RDH10: variants seen among roughly 807,000 people sequenced by gnomAD.
RDH10 encodes the protein retinol dehydrogenase 10.
RDH10 carries 12 observed loss-of-function variants against 30.2 expected under a neutral mutation model. The observed-to-expected ratio is 0.40, with a 90% CI of 0.25 to 0.64. The LOEUF (loss-of-function observed/expected upper bound fraction) is 0.64, where lower values mean the gene tolerates loss of function less well. Ranked by LOEUF, RDH10 falls within the 30% of genes least tolerant of loss-of-function variation. The probability of loss-of-function intolerance (pLI) is 0.43; values close to 1 mark genes in which losing one functional copy is unlikely to be tolerated. For synonymous variants in RDH10, 189 were observed against 172.2 expected, an observed-to-expected ratio of 1.10 and a Z score of -0.76; for missense variants, 268 against 445.2, an observed-to-expected ratio of 0.60 and a Z score of 3.58.
Position 73,314,581 on chromosome 8 carries a change from G to C in RDH10, c.526-4515G>C, listed in dbSNP as rs568584124. On this transcript the variant is annotated intron_variant, in intron 2 of 5. Transcript: ENST00000240285. ...AGAAACCCGAGTGGTCCTGATGTGG[G>C]TGCTCCTACCCCAAGCCTGCCTTTG... is the stretch of plus-strand genomic sequence containing the variant. Among the ~76,000 whole-genome samples the C allele has an allele frequency of 4.7e-3, 719 of 152,294 alleles. 5 individuals carry two copies. Among genetic ancestry groups the C allele is most frequent in the South Asian group, 0.016 (78 of 4,830 alleles).
In RDH10 at chr8:73,321,003, A is replaced by G; in HGVS notation, c.696A>G (p.Glu232=). 6.2e-7 allele frequency: 1 copy of G among 1,614,160 alleles called. No individual in the cohort carries two copies. The highest frequency in any genetic ancestry group is 8.5e-7 in the Non-Finnish European group (1 of 1,179,998). The part of the protein sequence containing the change: ...ESLSHELKAA[E]KDGIKTTLVC... ...TGAGCCATGAACTAAAGGCTGCTGA[A>G]AAGGATGGAATTAAAACAACCTTGG... The change falls in exon 4 of 6, where the codon GAA becomes GAG. Residue 232 remains glutamate (E), a synonymous_variant. Transcript: ENST00000240285.
rs182012529 is a variant in RDH10, at chr8:73,324,905, T to A, written c.*1869T>A. 3.9e-5 allele frequency: 6 copies of A among 152,358 alleles called. No individual in the cohort carries two copies. In the East Asian group the frequency reaches 1.2e-3, roughly 29 times the overall value. The allele number at this position is 152,358 out of a possible 1,614,324, so 9.4% of individuals were successfully genotyped here. ...CAATGCAGGACTTGAGGAAGAGCTC[T>A]GTTATATGTTTCCATTTCTCTTTAT... is the stretch of plus-strand genomic sequence containing the variant. On this transcript the variant is annotated 3_prime_UTR_variant, in exon 6 of 6. Coordinates refer to ENST00000240285, the MANE Select transcript of RDH10 (RefSeq NM_172037.5).
chr8:73,322,172 G>A (rs1814783461), intron 4 of RDH10: 2 of 375,218 alleles, frequency 5.3e-6, no homozygotes, highest in Admixed American at 6.5e-5. Flanking sequence ...CTGAAGGTAG[G>A]ATGTCTATAT....
At chr8:73,300,099 A>G (rs1015251742) in intron 2 of RDH10, among the ~76,000 whole-genome samples, 2 of 152,216 alleles carry the variant, frequency 1.3e-5, no homozygotes, top group Non-Finnish European at 2.9e-5. Context: ...GTCACTTTGT[A>G]TTAAAATATG....
chr8:73,299,002 C>T (rs929123742), intron 2 of RDH10, among the ~76,000 whole-genome samples: 13 of 151,938 alleles, frequency 8.6e-5, no homozygotes, highest in Non-Finnish European at 7.4e-5. Context: ...TTAGTAGAGG[C>T]GGGGTTGCAC....
At chr8:73,321,295 C>T (rs1014829191) in intron 4 of RDH10, among the ~76,000 whole-genome samples, 7 of 152,166 alleles carry the variant, frequency 4.6e-5, no homozygotes, top group Non-Finnish European at 1.0e-4. Flanking sequence ...AATCCAGAAT[C>T]ATTAGATAGG....
At position 73,315,661 on chromosome 8, in the gene RDH10, A is replaced by G. The variant is rs7015961; in HGVS notation, c.526-3435A>G. The G allele has an allele frequency of 7.1e-3, 3,178 of 447,720 alleles. 83 individuals carry two copies. The highest frequency in any genetic ancestry group is 0.058 in the African/African-American group (2,900 of 50,080). The allele number at this position is 447,720 out of a possible 1,614,324, so 27.7% of individuals were successfully genotyped here. ...GGGAAGTCATTACAGCCAACCTGCT[A>G]TGGTGTCTGAGTTTCTAGTCAGAGC... On this transcript the variant is annotated intron_variant, in intron 2 of 5. Coordinates refer to ENST00000240285, the MANE Select transcript of RDH10 (RefSeq NM_172037.5).
chr8:73,313,867 A>G (rs1814615898), intron 2 of RDH10, among the ~76,000 whole-genome samples: 1 of 152,228 alleles, frequency 6.6e-6, no homozygotes, highest in South Asian at 2.1e-4. Flanking sequence ...GAGCACATGT[A>G]CTGCATTTAG....
rs143703106 is a variant in RDH10, at chr8:73,298,878, G to A, written c.525+1449G>A. Among the ~76,000 whole-genome samples, 1,302 of 152,194 alleles carry A rather than the reference G, an allele frequency of 8.6e-3. 20 individuals carry two copies. The highest frequency in any genetic ancestry group is 0.029 in the African/African-American group (1,206 of 41,516). ...TGCCCAGGCTGGAGTACAATGGCGT[G>A]ATCTCAGCTCACTGCAACCTCCACC... On this transcript the variant is annotated intron_variant, in intron 2 of 5. Coordinates refer to ENST00000240285, the MANE Select transcript of RDH10 (RefSeq NM_172037.5).
intron 2 of RDH10, among the ~76,000 whole-genome samples, chr8:73,308,483 A>G (rs942376853): frequency 6.6e-6 from 1 of 152,228 alleles, no homozygotes; most frequent in Admixed American, 6.5e-5. Flanking sequence ...CACTTGTCCA[A>G]GGTAAAGTTG....
At chr8:73,318,898 T>C (rs1030574524) in intron 2 of RDH10, among the ~76,000 whole-genome samples, 198 bp from the exon 3 acceptor site, 9 of 152,248 alleles carry the variant, frequency 5.9e-5, no homozygotes, top group Admixed American at 3.9e-4. Context: ...TCACGACTTA[T>C]AATAGGCCTG....
chr8:73,321,062 G>A lies in RDH10; in HGVS notation c.755G>A (p.Arg252Lys). The A allele has an allele frequency of 6.2e-7, 1 of 1,613,624 alleles. No homozygotes were observed. The highest frequency in any genetic ancestry group is 8.5e-7 in the Non-Finnish European group (1 of 1,179,636). Reference protein sequence around the residue: ...CPYLVDTGMFRGCRIRKEIEP... With the variant: ...CPYLVDTGMFKGCRIRKEIEP... ...TATCTTGTAGACACTGGCATGTTCA[G>A]AGGCTGCCGAATCAGGTCAGTGAGA... is the stretch of plus-strand genomic sequence containing the variant. Residue 252 changes from arginine (R) to lysine (K), a missense_variant, in exon 4 of 6, where the codon AGA becomes AAA. This residue lies in a region of RDH10 where 136 missense variants were observed against 288.8 expected (regional missense o/e 0.47). Coordinates refer to ENST00000240285, the MANE Select transcript of RDH10 (RefSeq NM_172037.5).
intron 2 of RDH10, among the ~76,000 whole-genome samples, chr8:73,304,085 G>T (rs915996831): frequency 5.9e-5 from 9 of 152,100 alleles, no homozygotes; most frequent in Non-Finnish European, 8.8e-5. Context: ...CCTCTTGACC[G>T]TCTCCTTGAA....
chr8:73,315,997 T>C (rs1027220442), intron 2 of RDH10, among the ~76,000 whole-genome samples: 2 of 152,334 alleles, frequency 1.3e-5, no homozygotes, highest in South Asian at 4.1e-4. Context: ...AAAAGACATA[T>C]AGGCTTGATT....
intron 2 of RDH10, among the ~76,000 whole-genome samples, chr8:73,314,074 C>CA (rs1814620490): frequency 6.6e-6 from 1 of 152,204 alleles, no homozygotes; most frequent in Admixed American, 6.5e-5. Context: ...CTCTTTGAGA[C>CA]AAAGTTAAAG....
rs532062160 is a variant in RDH10 at position 73,319,633 on chromosome 8, A to G, written c.624+439A>G. Among the ~76,000 whole-genome samples the G allele has an allele frequency of 2.0e-4, 30 of 152,374 alleles. No homozygotes were observed. In the East Asian group the frequency reaches 5.6e-3, roughly 28 times the overall value. On this transcript the variant is annotated intron_variant, in intron 3 of 5. Transcript: ENST00000240285. The stretch of plus-strand genomic sequence containing the variant: ...AAGAAAAGTAGATGGGCCAGCCCTC[A>G]GTGTGCCCATTTTCATTAGCAGCTT...
chr8:73,321,505 T>C (rs1259635667), intron 4 of RDH10, among the ~76,000 whole-genome samples: 1 of 152,194 alleles, frequency 6.6e-6, no homozygotes, highest in Non-Finnish European at 1.5e-5. Context: ...GAAAAGACCA[T>C]TGAATATTAC....
At chr8:73,308,282 T>G (rs765452180) in intron 2 of RDH10, among the ~76,000 whole-genome samples, 4 of 152,230 alleles carry the variant, frequency 2.6e-5, no homozygotes, top group Non-Finnish European at 5.9e-5. Flanking sequence ...AATATTCTTA[T>G]GGGATCAGAA....
chr8:73,322,651 A>T (rs1177661175), intron 4 of RDH10, 28 bp from the exon 5 acceptor site: 2 of 1,581,456 alleles, frequency 1.3e-6, no homozygotes, highest in South Asian at 1.1e-5. Flanking sequence ...TTAATTTTTC[A>T]TTTTGTTTTT....
Sources: gnomAD v4.1 joint callset for allele counts (sites outside exome capture counted in the v4.1 genomes callset) on GRCh38, gnomAD v4.1.1 for gene constraint, gnomAD v4.1.1 regional missense constraint, MANE v1.5 for transcripts, NCBI Gene and HGNC (gene_info 2026-07-23, HGNC 2026-07-21) for gene names.